AQP2: variants seen among roughly 807,000 people sequenced by gnomAD.
AQP2 encodes the protein aquaporin 2, also known as aquaporin-2.
A neutral mutation model predicts 21.6 loss-of-function variants in AQP2; 20 were observed. That is an observed-to-expected ratio of 0.92 (90% confidence interval 0.65 to 1.34). The LOEUF is 1.34. Ranked by LOEUF, AQP2 falls within the 40% of genes most tolerant of loss-of-function variation. AQP2 has a pLI of 0.00. For synonymous variants in AQP2, 168 were observed against 166.9 expected (o/e 1.01, Z -0.05); for missense variants, 325 against 363.4 (o/e 0.89, Z 0.86).
At chr12:49,954,363 A>G in intron 2 of AQP2, 44 bp downstream of exon 2, 1 of 1,575,990 alleles carries the variant, frequency 6.3e-7, no homozygotes, top group Non-Finnish European at 8.6e-7. Context: ...AGGAACAGAC[A>G]CACAGACCAC....
Position 49,955,729 on chromosome 12 carries a change from C to T in AQP2, c.*121C>T, listed in dbSNP as rs75528468. 1.2e-5 allele frequency: 15 copies of T among 1,292,604 alleles called. No homozygotes were observed. Among genetic ancestry groups the T allele is most frequent in the Non-Finnish European group, 1.4e-5 (13 of 928,876 alleles). The allele number at this position is 1,292,604 out of a possible 1,614,324, so 80.1% of individuals were successfully genotyped here. The stretch of plus-strand genomic sequence containing the variant: ...GCCCCCCAGCGCAGAGTAGCTGCTT[C>T]CTGGACGTGCGCGCCCAGGCCAGTG... On this transcript the variant is annotated 3_prime_UTR_variant, in exon 4 of 4. Coordinates refer to ENST00000199280, the MANE Select transcript of AQP2 (RefSeq NM_000486.6).
At chr12:49,951,244 G>A in intron 1 of AQP2, 54 bp downstream of exon 1, 1 of 1,551,230 alleles carries the variant, frequency 6.4e-7, no homozygotes, top group Non-Finnish European at 8.7e-7. Flanking sequence ...GGAATCCCTT[G>A]TAAAGGATGA....
intron 1 of AQP2, among the ~76,000 whole-genome samples, chr12:49,952,850 G>C (rs1947339535): frequency 6.6e-6 from 1 of 152,210 alleles, no homozygotes; most frequent in South Asian, 2.1e-4. Context: ...AGGACACTGA[G>C]AGCCAGCCTG....
chr12:49,952,857 C>T (rs1947339626), intron 1 of AQP2, among the ~76,000 whole-genome samples: 1 of 152,200 alleles, frequency 6.6e-6, no homozygotes, highest in Non-Finnish European at 1.5e-5. Flanking sequence ...TGAGAGCCAG[C>T]CTGGCCACCA....
chr12:49,958,539 G>C lies in AQP2; in HGVS notation c.*2931G>C, dbSNP rs919005317. ...TGGTTTCTGCCCTTTAAGAGCACCC[G>C]GTCAGTCAGAGAACAGAGATCACAC... On this transcript the variant is annotated 3_prime_UTR_variant, in exon 4 of 4. Transcript: ENST00000199280. 6.6e-6 allele frequency: 1 copy of C among 152,368 alleles called. No individual in the cohort carries two copies. Among genetic ancestry groups the C allele is most frequent in the Non-Finnish European group, 1.5e-5 (1 of 68,200 alleles). The allele number at this position is 152,368 out of a possible 1,614,324, so 9.4% of individuals were successfully genotyped here. A position where few individuals can be genotyped will look rare whatever the true frequency, so the allele number is the denominator to read the frequency against.
In AQP2 at chr12:49,954,281, T is replaced by C. The variant is rs1947350291; in HGVS notation, c.487T>C (p.Ser163Pro). Reference sequence around the variant, plus strand: ...AGAGAACCCGGGCACCCCTGCTCTCTCCATAGGCTTCTCTGTGGCCCTGGG... The same window carrying C: ...AGAGAACCCGGGCACCCCTGCTCTCCCCATAGGCTTCTCTGTGGCCCTGGG... ...RGENPGTPAL[S>P]IGFSVALGHL... The change falls in exon 2 of 4, where the codon TCC becomes CCC. Residue 163 changes from serine to proline, a missense_variant. By Grantham distance (74) the Ser-to-Pro change is moderately conservative. Transcript: ENST00000199280. 2 of 1,609,254 alleles carry C rather than the reference T, an allele frequency of 1.2e-6. No homozygotes were observed. The highest frequency in any genetic ancestry group is 1.7e-6 in the Non-Finnish European group (2 of 1,179,948).
chr12:49,953,568 G>A (rs1396782605), intron 1 of AQP2, among the ~76,000 whole-genome samples: 2 of 152,208 alleles, frequency 1.3e-5, no homozygotes, highest in African/African-American at 2.4e-5. Flanking sequence ...GGGCAAACCT[G>A]AGGCCTGAAA....
chr12:49,955,320 G>C, intron 3 of AQP2, 79 bp from the exon 4 acceptor site: 1 of 1,420,860 alleles, frequency 7.0e-7, no homozygotes. Context: ...TGCGGCCGCA[G>C]AGTGTGCCGC....
chr12:49,955,157 C>T (rs1232625073), intron 3 of AQP2, among the ~76,000 whole-genome samples: 3 of 152,228 alleles, frequency 2.0e-5, no homozygotes, highest in African/African-American at 7.2e-5. Context: ...GAAGTGCACA[C>T]AGCACTTAAG....
rs467323 is a variant in AQP2, at chr12:49,955,982, C to T, written c.*374C>T. On this transcript the variant is annotated 3_prime_UTR_variant, in exon 4 of 4. Transcript: ENST00000199280. ...GTACAGACCCCTGCCTTGGGGGTTC[C>T]GGGAATGATGCAACTGGTTTTACTA... 0.58 allele frequency: 244,775 copies of T among 424,518 alleles called. 79,476 individuals are homozygous for T. The highest frequency in any genetic ancestry group is 0.72 in the Non-Finnish European group (163,770 of 228,254). 26.3% of individuals were successfully genotyped at this position (424,518 alleles called of 1,614,324 possible). A position where few individuals can be genotyped will look rare whatever the true frequency, so the allele number is the denominator to read the frequency against.
chr12:49,953,546 AGCAAACTAACAGG>A (rs1012447724), intron 1 of AQP2, among the ~76,000 whole-genome samples: 13 of 152,174 alleles, frequency 8.5e-5, no homozygotes, highest in Admixed American at 1.3e-4. Flanking sequence ...ATGTGCAGGG[AGCAAACTAACAGG>A]GCAAACCTGA....
Position 49,950,942 on chromosome 12 carries a change from C to G in AQP2, c.112C>G (p.Leu38Val). 1 of 1,614,262 alleles carries G rather than the reference C, an allele frequency of 6.2e-7. No individual in the cohort carries two copies. Residue 38 changes from leucine (L) to valine (V), a missense_variant, in exon 1 of 4, where the codon CTG becomes GTG. By Grantham distance (32) the Leu-to-Val change is conservative. Coordinates refer to ENST00000199280, the MANE Select transcript of AQP2 (RefSeq NM_000486.6). ...LGSALNWPQALPSVLQIAMAF... is the reference protein window; with the variant it reads ...LGSALNWPQAVPSVLQIAMAF... ...CTCTGCCCTCAACTGGCCACAGGCC[C>G]TGCCCTCTGTGCTACAGATTGCCAT... is the stretch of plus-strand genomic sequence containing the variant.
Position 49,954,157 on chromosome 12 carries a change from C to G in AQP2, c.363C>G (p.Leu121=), listed in dbSNP as rs775525166. ...DIRGDLAVNA[L]SNSTTAGQAV... The stretch of plus-strand genomic sequence containing the variant: ...ACCCGCCTCTTCTCTGTCCCCAGCT[C>G]AGCAACAGCACGACGGCTGGCCAGG... Residue 121 remains leucine, a splice_region_variant and synonymous_variant, in exon 2 of 4, where the codon CTC becomes CTG. Transcript: ENST00000199280. The G allele has an allele frequency of 1.3e-6, 2 of 1,598,742 alleles. No individual in the cohort carries two copies. Among genetic ancestry groups the G allele is most frequent in the Non-Finnish European group, 1.7e-6 (2 of 1,179,936 alleles).
rs1947326684 is a variant in AQP2 at position 49,951,162 on chromosome 12, A to G, written c.332A>G (p.Asp111Gly). ...AALLHEITPADIRGDLAVNAL... is the reference protein window; with the variant it reads ...AALLHEITPAGIRGDLAVNAL... ...CTGCTCCATGAGATCACGCCAGCAG[A>G]CATCCGCGGGGACCTGGCTGTCAAT... Residue 111 changes from aspartate to glycine, a missense_variant, in exon 1 of 4, where the codon GAC becomes GGC. Coordinates refer to ENST00000199280, the MANE Select transcript of AQP2 (RefSeq NM_000486.6). The G allele has an allele frequency of 3.1e-6, 5 of 1,606,198 alleles. No homozygotes were observed. The highest frequency in any genetic ancestry group is 1.3e-5 in the African/African-American group (1 of 74,826).
rs772192893 is a variant in AQP2, at chr12:49,954,169, G to A, written c.375G>A (p.Thr125=). Residue 125 remains threonine, a synonymous_variant, in exon 2 of 4, where the codon ACG becomes ACA. Transcript: ENST00000199280. ...TCTGTCCCCAGCTCAGCAACAGCACGACGGCTGGCCAGGCGGTGACTGTGG... is the reference window on the plus strand; with the variant it reads ...TCTGTCCCCAGCTCAGCAACAGCACAACGGCTGGCCAGGCGGTGACTGTGG... ...DLAVNALSNS[T]TAGQAVTVEL... 6.9e-5 allele frequency: 110 copies of A among 1,599,348 alleles called. No individual in the cohort carries two copies. Among genetic ancestry groups the A allele is most frequent in the Non-Finnish European group, 9.0e-5 (106 of 1,179,958 alleles).
intron 1 of AQP2, 156 bp from the exon 2 acceptor site, chr12:49,953,999 G>C (rs1947347618): frequency 8.4e-6 from 9 of 1,066,170 alleles, no homozygotes; most frequent in Non-Finnish European, 1.1e-5. Context: ...CAGGAAGAAG[G>C]GATCAGTCGT....
rs1947370353 is a variant in AQP2 at position 49,956,319 on chromosome 12, G to C, written c.*711G>C. 6.6e-6 allele frequency: 1 copy of C among 152,556 alleles called. No individual in the cohort carries two copies. Among genetic ancestry groups the C allele is most frequent in the Non-Finnish European group, 1.5e-5 (1 of 68,350 alleles). 9.5% of individuals were successfully genotyped at this position (152,556 alleles called of 1,614,324 possible). On this transcript the variant is annotated 3_prime_UTR_variant, in exon 4 of 4. Transcript: ENST00000199280. ...AAATTTCCCCCACCTGCAGCGCTGG[G>C]CCCCAAGGCTTGCCAAGACTCATTG...
chr12:49,952,038 C>T (rs1450222981), intron 1 of AQP2: 3 of 152,252 alleles, frequency 2.0e-5, no homozygotes, highest in South Asian at 2.1e-4. Flanking sequence ...TGATGAGTCC[C>T]GCACAATCTC....
Position 49,955,538 on chromosome 12 carries a change from G to C in AQP2, c.746G>C (p.Arg249Pro). 6.2e-7 allele frequency: 1 copy of C among 1,609,714 alleles called. No individual in the cohort carries two copies. The highest frequency in any genetic ancestry group is 2.2e-5 in the East Asian group (1 of 44,824). Residue 249 changes from arginine (R) to proline (P), a missense_variant, in exon 4 of 4, where the codon CGC becomes CCC. Arg to Pro is a moderately radical substitution (Grantham distance 103). Transcript: ENST00000199280. The stretch of plus-strand genomic sequence containing the variant: ...GAGCCGGACACCGATTGGGAGGAGC[G>C]CGAGGTGCGACGGCGGCAGTCGGTG... ...GLEPDTDWEE[R>P]EVRRRQSVEL...
Sources: gnomAD v4.1 joint callset for allele counts (sites outside exome capture counted in the v4.1 genomes callset) on GRCh38, gnomAD v4.1.1 for gene constraint, MANE v1.5 for transcripts, NCBI Gene and HGNC (gene_info 2026-07-23, HGNC 2026-07-21) for gene names.